The following MTHFD1L variants were observed in gnomAD, a reference collection of about 807,000 sequenced individuals.
The protein encoded by MTHFD1L is monofunctional C1-tetrahydrofolate synthase, mitochondrial.
Under a neutral mutation model 119.5 loss-of-function variants are expected in MTHFD1L, and 81 were observed. That is an observed-to-expected ratio of 0.68 (90% CI 0.57 to 0.82). MTHFD1L has a LOEUF of 0.82. Ranked by LOEUF, MTHFD1L falls within the 40% of genes least tolerant of loss-of-function variation. The probability of loss-of-function intolerance (pLI) is 0.00; values close to 1 mark genes in which losing one functional copy is unlikely to be tolerated. For synonymous variants in MTHFD1L, 430 were observed against 475.2 expected, an observed-to-expected ratio of 0.90 and a Z score of 1.24; for missense variants, 1,125 against 1,253.4, an observed-to-expected ratio of 0.90 and a Z score of 1.55.
chr6:150,922,382 A>G (rs541935553), intron 10 of MTHFD1L, 80 bp downstream of exon 10: 2 of 1,064,722 alleles, frequency 1.9e-6, no homozygotes, highest in African/African-American at 1.6e-5. Context: ...GAGAAGCACA[A>G]CTCATGGTAC....
At position 151,061,193 on chromosome 6, in the gene MTHFD1L, A is replaced by G. The variant is rs1420868989; in HGVS notation, c.2847+24076A>G. On this transcript the variant is annotated intron_variant, in intron 26 of 27. Coordinates refer to ENST00000367321, the MANE Select transcript of MTHFD1L (RefSeq NM_015440.5). ...CTAAGACCATGATTTATTACAGCAC[A>G]AGGATACAAAGCAAAATTAGCAAAA... Among the ~76,000 whole-genome samples the G allele has an allele frequency of 3.3e-5, 5 of 152,296 alleles. No homozygotes were observed. The South Asian group carries it at 1.0e-3, about 32-fold the overall frequency.
intron 7 of MTHFD1L, 93 bp from the exon 8 acceptor site, chr6:150,905,539 TGGAACAAAGCTGTGGATC>T: frequency 2.6e-6 from 2 of 755,260 alleles, no homozygotes; most frequent in Non-Finnish European, 4.7e-6. Flanking sequence ...GTCAGCAGCT[TGGAACAAAGCTGTGGATC>T]TGGGATTGTG....
intron 26 of MTHFD1L, among the ~76,000 whole-genome samples, chr6:151,087,689 T>G (rs1370021638): frequency 6.6e-6 from 1 of 152,260 alleles, no homozygotes; most frequent in African/African-American, 2.4e-5. Flanking sequence ...AAGGATATTC[T>G]TTTATTTCTT....
At chr6:151,101,007 A>G (rs1401877351) in intron 27 of MTHFD1L, among the ~76,000 whole-genome samples, 1 of 151,952 alleles carries the variant, frequency 6.6e-6, no homozygotes, top group African/African-American at 2.4e-5. Context: ...AAAAATACAA[A>G]AATTAGCCGG....
chr6:151,097,542 A>G (rs905400769), intron 27 of MTHFD1L, among the ~76,000 whole-genome samples: 3 of 152,222 alleles, frequency 2.0e-5, no homozygotes, highest in Admixed American at 6.5e-5. Flanking sequence ...TGTGGAAGCT[A>G]AAAAGCTTAC....
chr6:150,994,094 A>AAAGT (rs1779503102), intron 20 of MTHFD1L, among the ~76,000 whole-genome samples: 13 of 119,018 alleles, frequency 1.1e-4, no homozygotes, highest in South Asian at 2.7e-4. Flanking sequence ...AGAAAGAAAG[A>AAAGT]AAGTGACCCA....
rs747031223 is a variant in MTHFD1L, at chr6:150,922,313, T to A, written c.1082+11T>A. 3.1e-6 allele frequency: 5 copies of A among 1,609,958 alleles called. No homozygotes were observed. The South Asian group carries it at 5.5e-5, about 18-fold the overall frequency. ...CTCCCCTGTGCCAAGGTAACACTGG[T>A]GTTTTATTTACACTGATGTCAGCTC... On this transcript the variant is annotated intron_variant, in intron 10 of 27. Transcript: ENST00000367321.
intron 27 of MTHFD1L, among the ~76,000 whole-genome samples, chr6:151,097,847 C>T (rs1403808684): frequency 6.6e-6 from 1 of 152,112 alleles, no homozygotes; most frequent in African/African-American, 2.4e-5. Context: ...ACATTCCAGG[C>T]ACATAATAAA....
chr6:151,098,446 A>C (rs1021138249), intron 27 of MTHFD1L, among the ~76,000 whole-genome samples: 1 of 152,144 alleles, frequency 6.6e-6, no homozygotes. Flanking sequence ...GCGCCAAGGC[A>C]TCACCCTGAG....
intron 20 of MTHFD1L, among the ~76,000 whole-genome samples, chr6:150,990,257 G>A (rs1583986823): frequency 6.7e-6 from 1 of 150,250 alleles, no homozygotes. Context: ...CCAGCCCGGC[G>A]ACGGAGTGAG....
Position 151,092,599 on chromosome 6 carries a change from T to G in MTHFD1L, c.*31+12T>G, listed in dbSNP as rs929555153. ...AGGACCCGATGCAGGTAGGCTGATGTGCTTCAACTTTTTCTCTCTTTGTTT... is the reference window on the plus strand; with the variant it reads ...AGGACCCGATGCAGGTAGGCTGATGGGCTTCAACTTTTTCTCTCTTTGTTT... On this transcript the variant is annotated intron_variant, in intron 27 of 27. Transcript: ENST00000367321. 1 of 1,508,358 alleles carries G rather than the reference T, an allele frequency of 6.6e-7. No individual in the cohort carries two copies. 93.4% of individuals were successfully genotyped at this position (1,508,358 alleles called of 1,614,324 possible).
chr6:150,891,216 C>T (rs537688082), intron 7 of MTHFD1L, among the ~76,000 whole-genome samples: 2 of 152,136 alleles, frequency 1.3e-5, no homozygotes, highest in South Asian at 4.2e-4. Context: ...GAACTCCTGA[C>T]CTCAGGTGAT....
At chr6:150,910,518 G>A (rs4869698) in intron 8 of MTHFD1L, among the ~76,000 whole-genome samples, 11 of 150,158 alleles carry the variant, frequency 7.3e-5, no homozygotes, top group South Asian at 2.1e-4. Flanking sequence ...AGCTGAGATC[G>A]CGCTCCAGCC....
chr6:150,958,041 T>C (rs138688988), intron 17 of MTHFD1L, among the ~76,000 whole-genome samples: 73 of 152,244 alleles, frequency 4.8e-4, no homozygotes, highest in Admixed American at 1.4e-3. Context: ...TATTGATAGT[T>C]CCATTACATA....
chr6:151,000,066 G>A (rs1454954019), intron 20 of MTHFD1L, among the ~76,000 whole-genome samples: 1 of 152,188 alleles, frequency 6.6e-6, no homozygotes, highest in African/African-American at 2.4e-5. Flanking sequence ...TGGGCTGGGT[G>A]TGGTGGCTCA....
At chr6:150,944,656 G>T in intron 14 of MTHFD1L, 63 bp downstream of exon 14, 9 of 1,262,422 alleles carry the variant, frequency 7.1e-6, no homozygotes, top group Non-Finnish European at 9.1e-6. Context: ...GATTCTTAAG[G>T]AGTTTGTGGA....
At chr6:150,960,890 T>C (rs1771839) in intron 18 of MTHFD1L, among the ~76,000 whole-genome samples, 72,421 of 151,924 alleles carry the variant, frequency 0.48, 17,907 homozygotes, top group South Asian at 0.59. Flanking sequence ...ATTTGGGGCC[T>C]TAGATTTGGG....
In MTHFD1L at chr6:150,865,723, C is replaced by A; in HGVS notation, c.-100C>A. ...CGAGGAGGAAGCGCCAGGTCCTTCC[C>A]GCCGCCGCCGCCGCCGCCGCCGCCT... On this transcript the variant is annotated 5_prime_UTR_variant, in exon 1 of 28. Coordinates refer to ENST00000367321, the MANE Select transcript of MTHFD1L (RefSeq NM_015440.5). 1 of 777,634 alleles carries A rather than the reference C, an allele frequency of 1.3e-6. No individual in the cohort carries two copies. Among genetic ancestry groups the A allele is most frequent in the Non-Finnish European group, 1.6e-6 (1 of 619,496 alleles). The allele number at this position is 777,634 out of a possible 1,614,324, so 48.2% of individuals were successfully genotyped here.
chr6:150,966,999 G>T (rs763110747), intron 19 of MTHFD1L, among the ~76,000 whole-genome samples: 2 of 152,182 alleles, frequency 1.3e-5, no homozygotes, highest in Non-Finnish European at 2.9e-5. Context: ...ACACCCTTCT[G>T]CGGCAGGTTG....
Sources: gnomAD v4.1 joint callset for allele counts (sites outside exome capture counted in the v4.1 genomes callset) on GRCh38, gnomAD v4.1.1 for gene constraint, MANE v1.5 for transcripts, NCBI Gene and HGNC (gene_info 2026-07-23, HGNC 2026-07-21) for gene names.